The following SORL1 variants were observed in gnomAD, a reference collection of about 807,000 sequenced individuals.
SORL1 encodes the protein sortilin related receptor 1.
SORL1 carries 127 observed loss-of-function variants against 273.7 expected under a neutral mutation model. The ratio of observed to expected loss-of-function variants is 0.46; its 90% CI spans 0.40 to 0.54. The LOEUF (loss-of-function observed/expected upper bound fraction) is 0.54, where lower values mean the gene tolerates loss of function less well. SORL1 is among the 20% of genes least tolerant of loss of function. The pLI, the probability that SORL1 is intolerant of heterozygous loss-of-function variation, is 0.00. For synonymous variants in SORL1, 1,031 were observed against 1,067.4 expected, an observed-to-expected ratio of 0.97 and a Z score of 0.66; for missense variants, 2,494 against 2,846.1, an observed-to-expected ratio of 0.88 and a Z score of 2.81.
chr11:121,591,302 T>C, intron 31 of SORL1, 146 bp downstream of exon 31: 1 of 757,410 alleles, frequency 1.3e-6, no homozygotes, highest in Admixed American at 2.6e-5. Context: ...TTACTAATGG[T>C]GTACCTCCAG....
At chr11:121,503,729 T>A (rs886702133) in intron 6 of SORL1, among the ~76,000 whole-genome samples, 2 of 152,186 alleles carry the variant, frequency 1.3e-5, no homozygotes, top group Non-Finnish European at 2.9e-5. Flanking sequence ...CTTAATTCTA[T>A]TCCATTAATC....
intron 6 of SORL1, among the ~76,000 whole-genome samples, chr11:121,497,919 A>T (rs118144157): frequency 0.022 from 3,373 of 152,232 alleles, 65 homozygotes; most frequent in Middle Eastern, 0.037. Context: ...TCAGATTCTC[A>T]TTTACTTCTA....
At position 121,621,185 on chromosome 11, in the gene SORL1, T is replaced by C; in HGVS notation, c.6011T>C (p.Ile2004Thr). ...NKLEPGGKYH[I>T]IVQLGNMSKD... Reference sequence around the variant, plus strand: ...TTGGAGCCTGGCGGGAAATACCACATCATTGTCCAACTGGGGAACATGAGC... The same window carrying C: ...TTGGAGCCTGGCGGGAAATACCACACCATTGTCCAACTGGGGAACATGAGC... The change falls in exon 44 of 48, where the codon ATC becomes ACC. Residue 2004 changes from isoleucine to threonine, a missense_variant. This residue lies in a region of SORL1 where 1,609 missense variants were observed against 1,816.4 expected (regional missense o/e 0.89). Coordinates refer to ENST00000260197, the MANE Select transcript of SORL1 (RefSeq NM_003105.6). 1 of 1,614,172 alleles carries C rather than the reference T, an allele frequency of 6.2e-7. No individual in the cohort carries two copies. The highest frequency in any genetic ancestry group is 8.5e-7 in the Non-Finnish European group (1 of 1,180,012).
At chr11:121,557,897 C>T (rs1862615154) in intron 19 of SORL1, among the ~76,000 whole-genome samples, 3 of 152,210 alleles carry the variant, frequency 2.0e-5, no homozygotes, top group African/African-American at 7.2e-5. Flanking sequence ...ATTTGACATT[C>T]TGGCTTTTCC....
chr11:121,527,869 G>A (rs666004), intron 11 of SORL1, among the ~76,000 whole-genome samples: 72,741 of 151,806 alleles, frequency 0.48, 17,777 homozygotes, highest in East Asian at 0.76. Context: ...TTTTTCGTTC[G>A]TTTAGGTGTT....
chr11:121,482,051 C>G (rs1861398757), intron 3 of SORL1, among the ~76,000 whole-genome samples: 2 of 152,346 alleles, frequency 1.3e-5, no homozygotes, highest in South Asian at 4.1e-4. Context: ...GTTCTGACTT[C>G]CTTTCTGCTT....
chr11:121,495,944 G>C (rs1330343718), intron 5 of SORL1, among the ~76,000 whole-genome samples: 1 of 152,184 alleles, frequency 6.6e-6, no homozygotes, highest in Non-Finnish European at 1.5e-5. Flanking sequence ...ACATAATGGT[G>C]AACAATAAAA....
chr11:121,629,845 G>A lies in SORL1; in HGVS notation c.*282G>A, dbSNP rs1591360927. On this transcript the variant is annotated 3_prime_UTR_variant, in exon 48 of 48. Coordinates refer to ENST00000260197, the MANE Select transcript of SORL1 (RefSeq NM_003105.6). ...TTGCTGGGCATGCTTTTACGTCTGT[G>A]AGATAATTTCGGTTCAGTAAATTGG... 3 of 380,462 alleles carry A rather than the reference G, an allele frequency of 7.9e-6. No homozygotes were observed. Among genetic ancestry groups the A allele is most frequent in the East Asian group, 9.1e-5 (2 of 21,910 alleles). The allele number at this position is 380,462 out of a possible 1,614,324, so 23.6% of individuals were successfully genotyped here.
rs145992377 is a variant in SORL1 at position 121,534,521 on chromosome 11, CTGTT to C, written c.1685+1972_1685+1975del. On this transcript the variant is annotated intron_variant, in intron 12 of 47. Transcript: ENST00000260197. ...TTGTATAGGTTTCATTTGGAGGTGT[CTGTT>C]TGAATAGTTCAAATAAAGCATTTGA... 4.7e-3 allele frequency among the ~76,000 whole-genome samples: 710 copies of C among 152,310 alleles called. 2 individuals are homozygous for C. The highest frequency in any genetic ancestry group is 7.6e-3 in the Non-Finnish European group (520 of 68,040).
chr11:121,554,937 A>G lies in SORL1; in HGVS notation c.2440-250A>G, dbSNP rs148432748. 500 of 245,258 alleles carry G rather than the reference A, an allele frequency of 2.0e-3. 1 individual carries two copies. The Admixed American group carries it at 0.02, about 10-fold the overall frequency. The allele number at this position is 245,258 out of a possible 1,614,324, so 15.2% of individuals were successfully genotyped here. On this transcript the variant is annotated intron_variant, in intron 17 of 47. Coordinates refer to ENST00000260197, the MANE Select transcript of SORL1 (RefSeq NM_003105.6). The surrounding 1 kb of genome is among the most constrained non-coding windows in gnomAD (Gnocchi z 4.6). ...CAGCATAATTTAGTAACCAGTGTTC[A>G]TAATGATAATGCAGAGTAATATATA...
At position 121,541,502 on chromosome 11, in the gene SORL1, G is replaced by A. The variant is rs552302247; in HGVS notation, c.1686-2046G>A. The stretch of plus-strand genomic sequence containing the variant: ...TGGGATTACAGGCATGTGCCACCAC[G>A]CCTAGCCAAATCGATTTTAATAATC... On this transcript the variant is annotated intron_variant, in intron 12 of 47. Coordinates refer to ENST00000260197, the MANE Select transcript of SORL1 (RefSeq NM_003105.6). Among the ~76,000 whole-genome samples, 14 of 152,274 alleles carry A rather than the reference G, an allele frequency of 9.2e-5. No individual in the cohort carries two copies. In the South Asian group the frequency reaches 2.5e-3, roughly 27 times the overall value.
In SORL1 at chr11:121,452,744, T is replaced by C; in HGVS notation, c.285+128T>C. The C allele has an allele frequency of 1.2e-6, 1 of 808,978 alleles. No individual in the cohort carries two copies. Among genetic ancestry groups the C allele is most frequent in the South Asian group, 2.4e-5 (1 of 41,704 alleles). 50.1% of individuals were successfully genotyped at this position (808,978 alleles called of 1,614,324 possible). A position where few individuals can be genotyped will look rare whatever the true frequency, so the allele number is the denominator to read the frequency against. ...CTGGGGACTTCCCGGCTTGCATTTG[T>C]TTTTTTCCTTCACGAGTACAACCGT... On this transcript the variant is annotated intron_variant, in intron 1 of 47. Transcript: ENST00000260197. The surrounding 1 kb of genome is among the most constrained non-coding windows in gnomAD (Gnocchi z 5.3).
At chr11:121,593,718 T>C (rs1350099463) in intron 31 of SORL1, among the ~76,000 whole-genome samples, 1 of 152,120 alleles carries the variant, frequency 6.6e-6, no homozygotes, top group East Asian at 1.9e-4. Flanking sequence ...CAGGTGTTTG[T>C]CTCTTGAATT....
intron 21 of SORL1, among the ~76,000 whole-genome samples, chr11:121,566,274 A>T (rs1022651331): frequency 6.6e-6 from 1 of 152,122 alleles, no homozygotes; most frequent in African/African-American, 2.4e-5. Flanking sequence ...TAAAAAAAAA[A>T]TTATTCGGAA....
In SORL1 at chr11:121,595,344, G is replaced by A. The variant is rs778620412; in HGVS notation, c.4370-279G>A. Among the ~76,000 whole-genome samples, 3 of 152,128 alleles carry A rather than the reference G, an allele frequency of 2.0e-5. No individual in the cohort carries two copies. Among genetic ancestry groups the A allele is most frequent in the Non-Finnish European group, 4.4e-5 (3 of 68,018 alleles). On this transcript the variant is annotated intron_variant, in intron 31 of 47. Transcript: ENST00000260197. This position sits in a 1 kb window ranked among gnomAD's most constrained non-coding sequence, Gnocchi z 5.1. ...TCGCTGGCCTCTTTAGTCACATACCGCTATCTGTCTTCTTTCCAGCTCCCA... is the reference window on the plus strand; with the variant it reads ...TCGCTGGCCTCTTTAGTCACATACCACTATCTGTCTTCTTTCCAGCTCCCA...
At chr11:121,602,749 A>C (rs990049892) in intron 32 of SORL1, among the ~76,000 whole-genome samples, 1 of 151,880 alleles carries the variant, frequency 6.6e-6, no homozygotes, top group Non-Finnish European at 1.5e-5. Context: ...TTGTGTGTAC[A>C]CTCTCTTTAT....
At chr11:121,479,799 G>C (rs922791202) in intron 3 of SORL1, among the ~76,000 whole-genome samples, 1 of 152,192 alleles carries the variant, frequency 6.6e-6, no homozygotes, top group Admixed American at 6.5e-5. Context: ...TAAAATATCA[G>C]CTCTGCCTGA....
chr11:121,453,357 T>A (rs112615899), intron 1 of SORL1, among the ~76,000 whole-genome samples: 2 of 152,294 alleles, frequency 1.3e-5, no homozygotes, highest in African/African-American at 4.8e-5. Context: ...GTTTATTAGA[T>A]CATAAGTAAC....
chr11:121,569,207 G>A lies in SORL1; in HGVS notation c.3224-950G>A, dbSNP rs193255001. Among the ~76,000 whole-genome samples the A allele has an allele frequency of 2.5e-3, 375 of 152,294 alleles. 3 individuals are homozygous for A. Among genetic ancestry groups the A allele is most frequent in the African/African-American group, 8.6e-3 (358 of 41,542 alleles). ...TCTCTTAATCCCGTCATCTTCGTAA[G>A]CTGAGGAGGATGTATGTCGCCTCAG... On this transcript the variant is annotated intron_variant, in intron 22 of 47. Coordinates refer to ENST00000260197, the MANE Select transcript of SORL1 (RefSeq NM_003105.6).
Sources: gnomAD v4.1 joint callset for allele counts (sites outside exome capture counted in the v4.1 genomes callset) on GRCh38, gnomAD v4.1.1 for gene constraint, gnomAD v4.1.1 regional missense constraint, Gnocchi (gnomAD v3.1) non-coding constraint, MANE v1.5 for transcripts, NCBI Gene and HGNC (gene_info 2026-07-23, HGNC 2026-07-21) for gene names.